Variants in GRIA4 observed in about 807,000 individuals in gnomAD.
GRIA4 encodes glutamate receptor 4.
A neutral mutation model predicts 104.0 loss-of-function variants in GRIA4; 34 were observed. The ratio of observed to expected loss-of-function variants is 0.33; its 90% confidence interval spans 0.25 to 0.44. The LOEUF (loss-of-function observed/expected upper bound fraction) is 0.44. Among genes scored for constraint, GRIA4 ranks in the 20% least tolerant of loss-of-function variants. The pLI is 1.00. For missense variants in GRIA4, 750 were observed against 1,096.5 expected (o/e 0.68, Z 4.46); for synonymous variants, 386 against 381.9 (o/e 1.01, Z -0.13).
chr11:105,659,884 T>C (rs1365670314), intron 3 of GRIA4, among the ~76,000 whole-genome samples: 1 of 151,782 alleles, frequency 6.6e-6, no homozygotes, highest in African/African-American at 2.4e-5. Flanking sequence ...TTCTAACTAA[T>C]ATTCTCAGAA....
At chr11:105,652,592 C>T (rs1467198822) in intron 3 of GRIA4, among the ~76,000 whole-genome samples, 3 of 151,940 alleles carry the variant, frequency 2.0e-5, no homozygotes, top group African/African-American at 7.3e-5. Flanking sequence ...AGCTTTCTGC[C>T]TCTTCATTTC....
rs745383299 is a variant in GRIA4 at position 105,654,859 on chromosome 11, A to G, written c.247+42425A>G. Among the ~76,000 whole-genome samples, 45 of 152,188 alleles carry G rather than the reference A, an allele frequency of 3.0e-4. 1 individual carries two copies. Among genetic ancestry groups the G allele is most frequent in the Non-Finnish European group, 5.6e-4 (38 of 67,990 alleles). On this transcript the variant is annotated intron_variant, in intron 3 of 16. Coordinates refer to ENST00000282499, the MANE Select transcript of GRIA4 (RefSeq NM_000829.4). Reference sequence around the variant, plus strand: ...CTTCAGATGAGTGAAGTTGGTCTTCATGTTTTGTCCTCACAAACCCCTCTC... The same window carrying G: ...CTTCAGATGAGTGAAGTTGGTCTTCGTGTTTTGTCCTCACAAACCCCTCTC...
At chr11:105,793,362 A>G (rs540802119) in intron 4 of GRIA4, among the ~76,000 whole-genome samples, 1 of 152,256 alleles carries the variant, frequency 6.6e-6, no homozygotes, top group East Asian at 1.9e-4. Flanking sequence ...GCAAAGGGAC[A>G]ATACAGGTCA....
intron 3 of GRIA4, among the ~76,000 whole-genome samples, chr11:105,674,418 C>T (rs75661210): frequency 5.3e-5 from 8 of 151,470 alleles, no homozygotes; most frequent in Admixed American, 4.6e-4. Flanking sequence ...GATCTAGAAA[C>T]ATATCCGCCT....
chr11:105,828,619 T>C (rs1199508643), intron 4 of GRIA4, among the ~76,000 whole-genome samples: 1 of 151,784 alleles, frequency 6.6e-6, no homozygotes, highest in Non-Finnish European at 1.5e-5. Context: ...CAGGAGACTT[T>C]CTAGAAGATG....
At chr11:105,903,714 G>A in intron 7 of GRIA4, 100 bp from the exon 8 acceptor site, 1 of 774,812 alleles carries the variant, frequency 1.3e-6, no homozygotes, top group Non-Finnish European at 2.2e-6. Context: ...CCTTCAGACA[G>A]AATGGTGCTT....
intron 13 of GRIA4, among the ~76,000 whole-genome samples, chr11:105,929,530 C>T (rs1947814946): frequency 6.6e-6 from 1 of 152,138 alleles, no homozygotes; most frequent in South Asian, 2.1e-4. Context: ...TGTTTTGGTA[C>T]TTTCACATTA....
intron 3 of GRIA4, among the ~76,000 whole-genome samples, chr11:105,699,174 C>T (rs1953394591): frequency 6.6e-6 from 1 of 152,144 alleles, no homozygotes; most frequent in South Asian, 2.1e-4. Context: ...TCTATTCATT[C>T]AGAAAATATT....
intron 4 of GRIA4, among the ~76,000 whole-genome samples, chr11:105,828,239 C>T (rs1943846567): frequency 2.0e-5 from 3 of 151,928 alleles, no homozygotes; most frequent in Admixed American, 2.0e-4. Flanking sequence ...GAACTAGAGC[C>T]TCTGGGCGTT....
At chr11:105,780,109 C>T (rs1941660070) in intron 4 of GRIA4, among the ~76,000 whole-genome samples, 1 of 152,102 alleles carries the variant, frequency 6.6e-6, no homozygotes, top group Admixed American at 6.6e-5. Context: ...TATAATCTTC[C>T]CCCACGCTTT....
At chr11:105,765,338 T>C (rs1405900066) in intron 4 of GRIA4, among the ~76,000 whole-genome samples, 3 of 152,182 alleles carry the variant, frequency 2.0e-5, no homozygotes, top group Non-Finnish European at 4.4e-5. Context: ...CATAGAGCAA[T>C]CCTTTAAACA....
chr11:105,911,014 TTACAA>T (rs922106780), intron 10 of GRIA4, among the ~76,000 whole-genome samples: 1 of 152,148 alleles, frequency 6.6e-6, no homozygotes, highest in African/African-American at 2.4e-5. Flanking sequence ...TATTGTCTGT[TTACAA>T]TAGTGAAGAT....
intron 13 of GRIA4, among the ~76,000 whole-genome samples, chr11:105,927,737 T>C (rs1813336758): frequency 6.6e-6 from 1 of 151,824 alleles, no homozygotes; most frequent in African/African-American, 2.4e-5. Flanking sequence ...TCTTTTTAAA[T>C]CCAGAGCTAT....
intron 3 of GRIA4, among the ~76,000 whole-genome samples, chr11:105,649,054 C>T (rs1003960447): frequency 6.6e-6 from 1 of 152,054 alleles, no homozygotes; most frequent in African/African-American, 2.4e-5. Context: ...GATGTTAATG[C>T]AGAAAAACAT....
intron 14 of GRIA4, among the ~76,000 whole-genome samples, chr11:105,953,568 A>G (rs931304596): frequency 1.3e-5 from 2 of 152,120 alleles, no homozygotes; most frequent in African/African-American, 4.8e-5. Context: ...TATTTCATGA[A>G]ATTACTATTT....
At chr11:105,642,866 A>G (rs377477279) in intron 3 of GRIA4, among the ~76,000 whole-genome samples, 4 of 152,218 alleles carry the variant, frequency 2.6e-5, no homozygotes, top group Admixed American at 6.5e-5. Context: ...GCTAATAAAG[A>G]CATACCAGAG....
At chr11:105,695,303 T>A (rs1953230038) in intron 3 of GRIA4, among the ~76,000 whole-genome samples, 1 of 152,158 alleles carries the variant, frequency 6.6e-6, no homozygotes, top group African/African-American at 2.4e-5. Flanking sequence ...TTCCATCTCT[T>A]CCCAGCTGAT....
At chr11:105,636,150 A>G (rs1951196322) in intron 3 of GRIA4, among the ~76,000 whole-genome samples, 1 of 152,166 alleles carries the variant, frequency 6.6e-6, no homozygotes, top group Non-Finnish European at 1.5e-5. Flanking sequence ...AAAGACAAGT[A>G]CCTTCTTGCT....
intron 14 of GRIA4, among the ~76,000 whole-genome samples, chr11:105,963,215 G>C (rs1181405250): frequency 6.6e-6 from 1 of 152,048 alleles, no homozygotes; most frequent in Non-Finnish European, 1.5e-5. Context: ...TAAAATGAGT[G>C]AAGTAATTAT....
Sources: gnomAD v4.1 joint callset for allele counts (sites outside exome capture counted in the v4.1 genomes callset) on GRCh38, gnomAD v4.1.1 for gene constraint, MANE v1.5 for transcripts, NCBI Gene and HGNC (gene_info 2026-07-23, HGNC 2026-07-21) for gene names.